SH3GL3: variants seen among roughly 807,000 people sequenced by gnomAD.
SH3GL3 encodes the protein SH3 domain containing GRB2 like 3, endophilin A3, also known as endophilin-A3.
A neutral mutation model predicts 47.7 loss-of-function variants in SH3GL3; 33 were observed. That is an observed-to-expected ratio of 0.69 (90% CI 0.52 to 0.92). The LOEUF (loss-of-function observed/expected upper bound fraction) is 0.92. Ranked by LOEUF, SH3GL3 falls within the 40% of genes least tolerant of loss-of-function variation. The pLI, the probability that SH3GL3 is intolerant of heterozygous loss-of-function variation, is 0.00. For synonymous variants in SH3GL3, 155 were observed against 148.8 expected, an observed-to-expected ratio of 1.04 and a Z score of -0.30; for missense variants, 363 against 417.8, an observed-to-expected ratio of 0.87 and a Z score of 1.14.
At chr15:83,528,022 G>T (rs1009313642) in intron 1 of SH3GL3, among the ~76,000 whole-genome samples, 2 of 152,122 alleles carry the variant, frequency 1.3e-5, no homozygotes, top group African/African-American at 4.8e-5. Flanking sequence ...GTCTGGAAAA[G>T]ACTTTATTTC....
chr15:83,592,292 A>G (rs2060128354), intron 8 of SH3GL3, among the ~76,000 whole-genome samples: 1 of 152,206 alleles, frequency 6.6e-6, no homozygotes, highest in Non-Finnish European at 1.5e-5. Context: ...TTTGTTAAAT[A>G]AATATTCATT....
At chr15:83,610,223 A>C (rs4996549) in intron 8 of SH3GL3, among the ~76,000 whole-genome samples, 9,484 of 152,300 alleles carry the variant, frequency 0.062, 950 homozygotes, top group African/African-American at 0.21. Flanking sequence ...CACCCCATTG[A>C]ATGGGATTGG....
intron 1 of SH3GL3, among the ~76,000 whole-genome samples, chr15:83,545,485 C>A (rs1291168567): frequency 4.6e-5 from 7 of 152,176 alleles, no homozygotes; most frequent in Non-Finnish European, 1.0e-4. Context: ...TCTGAAAGGT[C>A]ACATATCTCC....
At chr15:83,613,777 C>T (rs998734501) in intron 8 of SH3GL3, among the ~76,000 whole-genome samples, 4 of 152,120 alleles carry the variant, frequency 2.6e-5, no homozygotes, top group African/African-American at 4.8e-5. Flanking sequence ...TAGCTGATGG[C>T]CTAGGGTCTG....
the SH3GL3 span, among the ~76,000 whole-genome samples, chr15:83,631,708 G>C: frequency 6.6e-6 from 1 of 152,216 alleles, no homozygotes; most frequent in Non-Finnish European, 1.5e-5. Flanking sequence ...AGCCGGTTGG[G>C]GGCCCTGGGC....
At chr15:83,607,148 G>A (rs2151838322) in intron 8 of SH3GL3, among the ~76,000 whole-genome samples, 1 of 152,286 alleles carries the variant, frequency 6.6e-6, no homozygotes, top group East Asian at 1.9e-4. Flanking sequence ...TGGGAATTTT[G>A]ACTTTGCTGA....
intron 1 of SH3GL3, among the ~76,000 whole-genome samples, chr15:83,538,328 T>C (rs528690974): frequency 8.5e-5 from 13 of 152,282 alleles, no homozygotes; most frequent in African/African-American, 3.1e-4. Context: ...ATTAAACACA[T>C]TGAATGCAGG....
chr15:83,580,577 G>A (rs528380979), intron 6 of SH3GL3, among the ~76,000 whole-genome samples: 4 of 152,360 alleles, frequency 2.6e-5, no homozygotes, highest in African/African-American at 7.2e-5. Flanking sequence ...AAGCCGGATT[G>A]GAATCAAGGG....
intron 1 of SH3GL3, among the ~76,000 whole-genome samples, chr15:83,524,757 T>A (rs1567301683): frequency 6.6e-6 from 1 of 152,114 alleles, no homozygotes; most frequent in Admixed American, 6.5e-5. Context: ...TGAGTGAGAA[T>A]ATATGATGTT....
intron 1 of SH3GL3, among the ~76,000 whole-genome samples, chr15:83,548,054 A>G (rs1342872187): frequency 6.6e-6 from 1 of 150,822 alleles, no homozygotes; most frequent in Admixed American, 6.6e-5. Context: ...ATTATAACAC[A>G]CTTTTTTTTA....
At chr15:83,466,371 G>T (rs2040567268) in intron 1 of SH3GL3, among the ~76,000 whole-genome samples, 1 of 151,880 alleles carries the variant, frequency 6.6e-6, no homozygotes, top group Non-Finnish European at 1.5e-5. Flanking sequence ...GAATGTAAGT[G>T]TGTGTTTCTC....
the SH3GL3 span, among the ~76,000 whole-genome samples, chr15:83,627,412 A>AG: frequency 6.8e-6 from 1 of 146,494 alleles, no homozygotes; most frequent in Non-Finnish European, 1.5e-5. Flanking sequence ...AAAAAAAAAA[A>AG]AGAAAAGAAA....
intron 1 of SH3GL3, among the ~76,000 whole-genome samples, chr15:83,461,344 T>A (rs1287729881): frequency 1.3e-5 from 2 of 152,208 alleles, no homozygotes; most frequent in African/African-American, 2.4e-5. Flanking sequence ...ATAACTGACA[T>A]ATTCATGAAA....
the SH3GL3 span, among the ~76,000 whole-genome samples, chr15:83,628,023 A>C: frequency 6.6e-6 from 1 of 152,150 alleles, no homozygotes; most frequent in African/African-American, 2.4e-5. Flanking sequence ...AACTACCACA[A>C]CCTCTTGCTA....
At chr15:83,545,814 C>G (rs2044365748) in intron 1 of SH3GL3, among the ~76,000 whole-genome samples, 1 of 152,152 alleles carries the variant, frequency 6.6e-6, no homozygotes, top group South Asian at 2.1e-4. Flanking sequence ...TGGGTAAGAT[C>G]TGGGAGAATT....
chr15:83,479,299 G>C (rs1379016415), intron 1 of SH3GL3, among the ~76,000 whole-genome samples: 1 of 152,086 alleles, frequency 6.6e-6, no homozygotes, highest in Non-Finnish European at 1.5e-5. Context: ...ACTGTAAGCA[G>C]ACCTCGATTT....
At chr15:83,540,992 G>A (rs2044126739) in intron 1 of SH3GL3, among the ~76,000 whole-genome samples, 1 of 152,106 alleles carries the variant, frequency 6.6e-6, no homozygotes, top group Admixed American at 6.6e-5. Flanking sequence ...GTCTTCATGA[G>A]TTCAATTGTT....
intron 1 of SH3GL3, among the ~76,000 whole-genome samples, chr15:83,459,171 T>C (rs2040149738): frequency 6.6e-6 from 1 of 152,360 alleles, no homozygotes; most frequent in African/African-American, 2.4e-5. Context: ...TCGGCCAGTC[T>C]AGTCTTTCCA....
intron 6 of SH3GL3, among the ~76,000 whole-genome samples, chr15:83,577,786 T>G (rs773916780): frequency 1.3e-5 from 2 of 152,242 alleles, no homozygotes; most frequent in Non-Finnish European, 2.9e-5. Flanking sequence ...GGCTTTTGTA[T>G]GTGAGGCCAT....
Sources: gnomAD v4.1 joint callset for allele counts (sites outside exome capture counted in the v4.1 genomes callset) on GRCh38, gnomAD v4.1.1 for gene constraint, MANE v1.5 for transcripts, NCBI Gene and HGNC (gene_info 2026-07-23, HGNC 2026-07-21) for gene names.